BTAF1: variants seen among roughly 807,000 people sequenced by gnomAD.
BTAF1 encodes B-TFIID TATA-box binding protein associated factor 1.
BTAF1 carries 38 observed loss-of-function variants against 227.1 expected under a neutral mutation model. That is an observed-to-expected ratio of 0.17 (90% CI 0.13 to 0.22). The LOEUF (loss-of-function observed/expected upper bound fraction) is 0.22. Ranked by LOEUF, BTAF1 falls within the 10% of genes least tolerant of loss-of-function variation. BTAF1 has a pLI of 1.00. For synonymous variants in BTAF1, 742 were observed against 751.9 expected, an observed-to-expected ratio of 0.99 and a Z score of 0.21; for missense variants, 1,598 against 2,204.0, an observed-to-expected ratio of 0.73 and a Z score of 5.51.
At chr10:91,951,224 C>T (rs1845745697) in intron 4 of BTAF1, among the ~76,000 whole-genome samples, 179 bp from the exon 5 acceptor site, 1 of 152,040 alleles carries the variant, frequency 6.6e-6, no homozygotes, top group African/African-American at 2.4e-5. Flanking sequence ...TTAACTAGAC[C>T]AGTATTTTCC....
intron 14 of BTAF1, among the ~76,000 whole-genome samples, chr10:91,968,642 T>C (rs1847086562): frequency 6.6e-6 from 1 of 152,166 alleles, no homozygotes; most frequent in Non-Finnish European, 1.5e-5. Context: ...GGCTGTACCA[T>C]TTTGTGTTTC....
intron 25 of BTAF1, among the ~76,000 whole-genome samples, chr10:92,001,960 A>C (rs1050807783): frequency 2.7e-5 from 3 of 112,812 alleles, no homozygotes; most frequent in African/African-American, 5.8e-5. Context: ...AAAAAAAAAA[A>C]AAAAAAACCA....
At position 92,009,227 on chromosome 10, in the gene BTAF1, TAAC is replaced by T. The variant is rs762570337; in HGVS notation, c.4103+22_4103+24del. The stretch of plus-strand genomic sequence containing the variant: ...GAATAAGGTAAGAGTTGTATGACAA[TAAC>T]AAAATATTTCATCTGTTGTCATAAT... On this transcript the variant is annotated intron_variant, in intron 28 of 37. Coordinates refer to ENST00000265990, the MANE Select transcript of BTAF1 (RefSeq NM_003972.3). The T allele has an allele frequency of 6.2e-7, 1 of 1,601,900 alleles. No individual in the cohort carries two copies. The highest frequency in any genetic ancestry group is 8.5e-7 in the Non-Finnish European group (1 of 1,172,060).
In BTAF1 at chr10:91,942,324, G is replaced by A. The variant is rs954213985; in HGVS notation, c.254-98G>A. 433 of 792,558 alleles carry A rather than the reference G, an allele frequency of 5.5e-4. 3 individuals carry two copies. The African/African-American group carries it at 6.8e-3, about 12-fold the overall frequency. The allele number at this position is 792,558 out of a possible 1,614,324, so 49.1% of individuals were successfully genotyped here. A position where few individuals can be genotyped will look rare whatever the true frequency, so the allele number is the denominator to read the frequency against. ...TGTGTGTGTGTGTGTGTGTGTGTGT[G>A]TGTGTGTAACCCATGCAACCCAAGT... On this transcript the variant is annotated intron_variant, in intron 3 of 37. Transcript: ENST00000265990.
chr10:91,982,476 A>C, intron 17 of BTAF1, 111 bp from the exon 18 acceptor site: 1 of 1,349,698 alleles, frequency 7.4e-7, no homozygotes, highest in Non-Finnish European at 9.9e-7. Flanking sequence ...TGGCTTCAAA[A>C]AGCCAAATTT....
chr10:91,963,038 C>T (rs1486906695), intron 12 of BTAF1, among the ~76,000 whole-genome samples: 1 of 151,778 alleles, frequency 6.6e-6, no homozygotes, highest in African/African-American at 2.4e-5. Flanking sequence ...TCTCTCCTCT[C>T]CTCCTCTCAT....
chr10:91,943,082 G>A (rs1388345133), intron 4 of BTAF1, among the ~76,000 whole-genome samples: 1 of 152,158 alleles, frequency 6.6e-6, no homozygotes, highest in Non-Finnish European at 1.5e-5. Flanking sequence ...GAGAGGCCAA[G>A]GTGGGTGGAT....
intron 35 of BTAF1, among the ~76,000 whole-genome samples, chr10:92,026,142 A>G (rs542011507): frequency 2.6e-4 from 40 of 152,256 alleles, no homozygotes; most frequent in African/African-American, 8.4e-4. Context: ...TCTTTTTCCT[A>G]GAAGTTACTA....
chr10:91,955,730 G>A (rs1247652242), intron 6 of BTAF1, among the ~76,000 whole-genome samples: 1 of 152,158 alleles, frequency 6.6e-6, no homozygotes, highest in African/African-American at 2.4e-5. Flanking sequence ...GGGGAAACAT[G>A]CCTAACAAGT....
Position 92,028,941 on chromosome 10 carries a change from A to G in BTAF1, c.*8A>G. On this transcript the variant is annotated 3_prime_UTR_variant, in exon 38 of 38. Transcript: ENST00000265990. ...ATGCATTCTCTCAAGTAACTATCAA[A>G]TATTGTAAATGCAATTGCTGCTAGT... is the stretch of plus-strand genomic sequence containing the variant. 2 of 1,564,952 alleles carry G rather than the reference A, an allele frequency of 1.3e-6. No individual in the cohort carries two copies. Among genetic ancestry groups the G allele is most frequent in the Non-Finnish European group, 1.7e-6 (2 of 1,158,828 alleles).
chr10:92,013,282 G>GGTT (rs551046866), intron 30 of BTAF1, among the ~76,000 whole-genome samples: 4 of 152,132 alleles, frequency 2.6e-5, no homozygotes, highest in African/African-American at 4.8e-5. Context: ...AATTCTAATA[G>GGTT]GTTGTTGTTG....
chr10:91,943,540 T>C (rs1845157936), intron 4 of BTAF1, among the ~76,000 whole-genome samples: 1 of 152,202 alleles, frequency 6.6e-6, no homozygotes, highest in South Asian at 2.1e-4. Flanking sequence ...TTTAGAGGCT[T>C]ATTAATATAT....
chr10:91,965,754 CTA>C (rs1472744500), intron 13 of BTAF1, among the ~76,000 whole-genome samples: 4 of 151,944 alleles, frequency 2.6e-5, no homozygotes, highest in African/African-American at 7.2e-5. Context: ...TTTTTTATGT[CTA>C]TGTGTACCTG....
chr10:91,933,630 T>C (rs543688558), intron 1 of BTAF1, among the ~76,000 whole-genome samples: 1 of 152,316 alleles, frequency 6.6e-6, no homozygotes, highest in South Asian at 2.1e-4. Flanking sequence ...AAAATTGACC[T>C]TGTAAAAAAC....
intron 4 of BTAF1, among the ~76,000 whole-genome samples, chr10:91,949,496 T>A (rs911366997): frequency 1.2e-4 from 19 of 152,338 alleles, no homozygotes; most frequent in Non-Finnish European, 2.2e-4. Context: ...TCTGTTACAT[T>A]CTTCCAAAGA....
chr10:91,941,136 G>A (rs1844966500), intron 3 of BTAF1, among the ~76,000 whole-genome samples: 1 of 152,172 alleles, frequency 6.6e-6, no homozygotes, highest in South Asian at 2.1e-4. Flanking sequence ...TAAATGAAAT[G>A]TGTGACTAGA....
intron 4 of BTAF1, 78 bp downstream of exon 4, chr10:91,942,646 G>A: frequency 6.7e-7 from 1 of 1,483,118 alleles, no homozygotes; most frequent in South Asian, 1.2e-5. Context: ...CTGTTCATTA[G>A]TCACACGTAA....
chr10:91,964,393 A>T (rs1221675917), intron 13 of BTAF1, among the ~76,000 whole-genome samples, 192 bp downstream of exon 13: 1 of 149,040 alleles, frequency 6.7e-6, no homozygotes, highest in African/African-American at 2.5e-5. Flanking sequence ...TACAAAGATC[A>T]TTTTTTTTTT....
chr10:92,008,590 C>G (rs1032684356), intron 26 of BTAF1, among the ~76,000 whole-genome samples: 1 of 150,218 alleles, frequency 6.7e-6, no homozygotes, highest in Non-Finnish European at 1.5e-5. Context: ...TTCAAGTGAT[C>G]CTCCCACCTT....
Sources: allele counts gnomAD v4.1 joint callset (sites outside exome capture counted in the v4.1 genomes callset), GRCh38; gene constraint gnomAD v4.1.1; transcripts MANE v1.5; gene names NCBI Gene and HGNC (gene_info 2026-07-23, HGNC 2026-07-21).